SPACA6: variants seen among roughly 807,000 people sequenced by gnomAD.
SPACA6 encodes the protein sperm acrosome membrane-associated protein 6.
For synonymous variants in SPACA6, 6 were observed against 1.5 expected (o/e 4.05, Z -2.21); for missense variants, 8 against 2.8 (o/e 2.88, Z -1.34).
intron 2 of SPACA6, among the ~76,000 whole-genome samples, chr19:51,697,727 A>G (rs2122208609): frequency 6.6e-6 from 1 of 152,290 alleles, no homozygotes; most frequent in South Asian, 2.1e-4. Flanking sequence ...AGGTGATCTT[A>G]TTTGTATATA....
chr19:51,705,888 G>T (rs1222546937), downstream of SPACA6, among the ~76,000 whole-genome samples: 8 of 151,938 alleles, frequency 5.3e-5, no homozygotes, highest in African/African-American at 1.9e-4. Flanking sequence ...GTAGAGACAG[G>T]GTTTCACCAT....
At chr19:51,685,864 G>A (rs1431887335), upstream of SPACA6, 1 of 152,182 alleles carries the variant, frequency 6.6e-6, no homozygotes, top group African/African-American at 2.4e-5. Context: ...ATCAAGTGAT[G>A]GAATGAAATT....
At chr19:51,684,693 A>G (rs1433700270), upstream of SPACA6, among the ~76,000 whole-genome samples, 1 of 152,200 alleles carries the variant, frequency 6.6e-6, no homozygotes, top group East Asian at 1.9e-4. Flanking sequence ...ATTAACACTA[A>G]TGATAGCTGA....
upstream of SPACA6, chr19:51,692,872 C>G: frequency 1.9e-6 from 1 of 534,276 alleles, no homozygotes; most frequent in Non-Finnish European, 3.8e-6. This position sits in a 1 kb window ranked among gnomAD's most constrained non-coding sequence, Gnocchi z 5.6. Context: ...AGGCTGCGCC[C>G]TGCACGGGAC....
chr19:51,708,287 A>T (rs113591581), downstream of SPACA6, among the ~76,000 whole-genome samples: 9 of 152,368 alleles, frequency 5.9e-5, 1 homozygote, highest in African/African-American at 2.2e-4. Flanking sequence ...GTACAAGGGT[A>T]TAAGACTGTC....
At chr19:51,694,670 G>A in intron 2 of SPACA6, 115 bp downstream of exon 2, 2 of 398,312 alleles carry the variant, frequency 5.0e-6, no homozygotes, top group Non-Finnish European at 8.9e-6. Context: ...CAGTGATCCG[G>A]GAGGGGAAAG....
rs2083491067 is a variant in SPACA6, at chr19:51,703,919, C to G, written c.574-111C>G. The G allele has an allele frequency of 2.5e-6, 1 of 393,346 alleles. No homozygotes were observed. Among genetic ancestry groups the G allele is most frequent in the Admixed American group, 4.5e-5 (1 of 22,360 alleles). The allele number at this position is 393,346 out of a possible 1,614,324, so 24.4% of individuals were successfully genotyped here. The stretch of plus-strand genomic sequence containing the variant: ...GAGCGAGAAGGCTCGGGGGCGGGCT[C>G]AAGGCTCAGGGCCAGGACTCCAGGG... On this transcript the variant is annotated intron_variant, in intron 6 of 8. Coordinates refer to ENST00000637797, the MANE Select transcript of SPACA6 (RefSeq NM_001316972.2). The surrounding 1 kb of genome is among the most constrained non-coding windows in gnomAD (Gnocchi z 4.2).
upstream of SPACA6, chr19:51,687,906 C>CT (rs1234071576): frequency 6.5e-6 from 1 of 152,794 alleles, no homozygotes; most frequent in African/African-American, 2.4e-5. Flanking sequence ...GCCCAGCAGT[C>CT]TCCAGCCATC....
chr19:51,692,617 C>A (rs572777123), upstream of SPACA6: 3 of 529,660 alleles, frequency 5.7e-6, no homozygotes, highest in South Asian at 4.2e-5. This position sits in a 1 kb window ranked among gnomAD's most constrained non-coding sequence, Gnocchi z 5.6. Context: ...GTCCTGGCAC[C>A]CACCCGTAGA....
At chr19:51,709,278 G>T (rs970789743), downstream of SPACA6, among the ~76,000 whole-genome samples, 6 of 151,186 alleles carry the variant, frequency 4.0e-5, no homozygotes, top group African/African-American at 1.5e-4. Context: ...AGCACTTTGG[G>T]AAGCCGAGGC....
downstream of SPACA6, chr19:51,705,441 C>G (rs190739895): frequency 8.1e-6 from 2 of 247,866 alleles, no homozygotes; most frequent in African/African-American, 4.4e-5. Context: ...CAAGGCTTTC[C>G]TCCTACCAGA....
the SPACA6 span, among the ~76,000 whole-genome samples, chr19:51,682,814 G>T: frequency 6.6e-6 from 1 of 152,136 alleles, no homozygotes; most frequent in African/African-American, 2.4e-5. Flanking sequence ...GACTGAGGGC[G>T]GGCAGATCAC....
chr19:51,708,515 A>G (rs1045657153), downstream of SPACA6, among the ~76,000 whole-genome samples: 6 of 152,130 alleles, frequency 3.9e-5, no homozygotes, highest in African/African-American at 1.4e-4. Context: ...ATGAGCCATT[A>G]TGGATATTTG....
At chr19:51,709,738 A>C (rs989674518), downstream of SPACA6, among the ~76,000 whole-genome samples, 1 of 152,148 alleles carries the variant, frequency 6.6e-6, no homozygotes, top group African/African-American at 2.4e-5. Flanking sequence ...GACTGGGGCA[A>C]AGTGGAAGCA....
At chr19:51,689,603 G>T (rs548210969), upstream of SPACA6, 1 of 151,562 alleles carries the variant, frequency 6.6e-6, no homozygotes, top group African/African-American at 2.4e-5. Context: ...GGAAAGGGAG[G>T]GTGGGGGGCT....
chr19:51,693,748 G>A lies in SPACA6; in HGVS notation c.214+8G>A, dbSNP rs1297040286. 1 of 407,280 alleles carries A rather than the reference G, an allele frequency of 2.5e-6. No homozygotes were observed. Among genetic ancestry groups the A allele is most frequent in the Non-Finnish European group, 4.4e-6 (1 of 229,830 alleles). The allele number at this position is 407,280 out of a possible 1,614,324, so 25.2% of individuals were successfully genotyped here. Reference sequence around the variant, plus strand: ...TCTCTGACACCGAAATCAGTGAGGAGACCATCCACACTTCATCAGTGTCCT... The same window carrying A: ...TCTCTGACACCGAAATCAGTGAGGAAACCATCCACACTTCATCAGTGTCCT... On this transcript the variant is annotated splice_region_variant and intron_variant, in intron 1 of 8. Coordinates refer to ENST00000637797, the MANE Select transcript of SPACA6 (RefSeq NM_001316972.2).
intron 2 of SPACA6, among the ~76,000 whole-genome samples, chr19:51,711,448 A>C (rs2083540944): frequency 6.6e-6 from 1 of 152,346 alleles, no homozygotes; most frequent in East Asian, 1.9e-4. Flanking sequence ...TGGGAATGTA[A>C]AACGGTACAG....
At chr19:51,692,965 G>A (rs147302712), upstream of SPACA6, 182 of 456,120 alleles carry the variant, frequency 4.0e-4, no homozygotes, top group East Asian at 9.5e-3. This position sits in a 1 kb window ranked among gnomAD's most constrained non-coding sequence, Gnocchi z 5.6. Context: ...GGAAGAGCCG[G>A]GCTCTTTTCT....
chr19:51,705,706 A>ATTTTTT (rs71335613), downstream of SPACA6, among the ~76,000 whole-genome samples: 24 of 150,360 alleles, frequency 1.6e-4, no homozygotes, highest in African/African-American at 4.9e-4. Flanking sequence ...ATTTTATTTT[A>ATTTTTT]TTTTTTTGGA....
Sources: allele counts gnomAD v4.1 joint callset (sites outside exome capture counted in the v4.1 genomes callset), GRCh38; gene constraint gnomAD v4.1.1; non-coding constraint Gnocchi (gnomAD v3.1); transcripts MANE v1.5; gene names NCBI Gene and HGNC (gene_info 2026-07-23, HGNC 2026-07-21).